The following PLEKHF1 variants were observed in gnomAD, a reference collection of about 807,000 sequenced individuals.
The protein encoded by PLEKHF1 is pleckstrin homology and FYVE domain containing 1, also known as pleckstrin homology domain-containing family F member 1.
A neutral mutation model predicts 4.1 loss-of-function variants in PLEKHF1; 1 was observed. The observed-to-expected ratio is 0.24, with a 90% confidence interval of 0.09 to 1.15. The LOEUF (loss-of-function observed/expected upper bound fraction) is 1.15. PLEKHF1 is among the 50% of genes most tolerant of loss of function. The probability of loss-of-function intolerance (pLI) is 0.52; values close to 1 mark genes in which losing one functional copy is unlikely to be tolerated. For missense variants in PLEKHF1, 429 were observed against 400.6 expected, an observed-to-expected ratio of 1.07 and a Z score of -0.60; for synonymous variants, 182 against 178.5, an observed-to-expected ratio of 1.02 and a Z score of -0.16.
intron 1 of PLEKHF1, among the ~76,000 whole-genome samples, chr19:29,668,721 G>GAA (rs113972567): frequency 1.7e-5 from 2 of 119,194 alleles, no homozygotes; most frequent in African/African-American, 6.0e-5. Flanking sequence ...CAATGTCTCA[G>GAA]AAAAAAAAAA....
Position 29,671,443 on chromosome 19 carries a change from C to G in PLEKHF1, c.-16-2381C>G, listed in dbSNP as rs1971631120. Among the ~76,000 whole-genome samples, 1 of 152,076 alleles carries G rather than the reference C, an allele frequency of 6.6e-6. No homozygotes were observed. ...CTGTATCTCTCATTGCGTGAGTAGC[C>G]CCGGGTTTTTATCCTTTTCCCTGCT... is the stretch of plus-strand genomic sequence containing the variant. On this transcript the variant is annotated intron_variant, in intron 1 of 1. Transcript: ENST00000436066. The surrounding 1 kb of genome is among the most constrained non-coding windows in gnomAD (Gnocchi z 4.0).
intron 1 of PLEKHF1, among the ~76,000 whole-genome samples, chr19:29,668,888 G>A (rs928716441): frequency 6.6e-6 from 1 of 152,100 alleles, no homozygotes; most frequent in African/African-American, 2.4e-5. Context: ...TGTCTGCCCC[G>A]CCCCTCGCCC....
chr19:29,674,307 C>T lies in PLEKHF1; in HGVS notation c.468C>T (p.Asp156=). 6.3e-7 allele frequency: 1 copy of T among 1,589,160 alleles called. No individual in the cohort carries two copies. Among genetic ancestry groups the T allele is most frequent in the Non-Finnish European group, 8.5e-7 (1 of 1,174,396 alleles). ...AAPWIPDKAT[D]ICMRCTQTRF... ...CCTGGATCCCCGACAAGGCCACGGA[C>T]ATCTGCATGCGCTGCACGCAGACGC... Residue 156 remains aspartate, a synonymous_variant, in exon 2 of 2, where the codon GAC becomes GAT. Coordinates refer to ENST00000436066, the MANE Select transcript of PLEKHF1 (RefSeq NM_024310.5).
At chr19:29,666,617 C>CT (rs1971572654) in intron 1 of PLEKHF1, among the ~76,000 whole-genome samples, 1 of 152,228 alleles carries the variant, frequency 6.6e-6, no homozygotes, top group Admixed American at 6.5e-5. Flanking sequence ...CCGCTGGACT[C>CT]TGACTTCTGG....
At chr19:29,669,939 CT>C (rs1009398966) in intron 1 of PLEKHF1, among the ~76,000 whole-genome samples, 4 of 151,440 alleles carry the variant, frequency 2.6e-5, no homozygotes, top group Admixed American at 6.6e-5. Flanking sequence ...ATCTCCAAAA[CT>C]TTTTTTTTCT....
intron 1 of PLEKHF1, 65 bp from the exon 2 acceptor site, chr19:29,673,759 G>A (rs931830244): frequency 1.0e-5 from 16 of 1,540,712 alleles, no homozygotes; most frequent in Non-Finnish European, 1.4e-5. Context: ...TTGGGGGTGG[G>A]CAGCGTGGTT....
At chr19:29,666,011 T>A (rs6509543) in intron 1 of PLEKHF1, among the ~76,000 whole-genome samples, 57,840 of 151,674 alleles carry the variant, frequency 0.38, 14,983 homozygotes, top group African/African-American at 0.74. Context: ...GAGTTTGTGA[T>A]TCTTGGTGGG....
At chr19:29,670,088 T>A (rs937074313) in intron 1 of PLEKHF1, among the ~76,000 whole-genome samples, 8 of 152,090 alleles carry the variant, frequency 5.3e-5, no homozygotes, top group African/African-American at 1.9e-4. Context: ...CATACCACCA[T>A]CCCTGGCTAA....
intron 1 of PLEKHF1, among the ~76,000 whole-genome samples, chr19:29,666,519 T>C (rs1971571482): frequency 6.7e-6 from 1 of 149,418 alleles, no homozygotes; most frequent in African/African-American, 2.4e-5. Flanking sequence ...GATTGGCCAG[T>C]GTGGCCTGGA....
At chr19:29,673,137 C>G (rs1185792601) in intron 1 of PLEKHF1, among the ~76,000 whole-genome samples, 1 of 152,180 alleles carries the variant, frequency 6.6e-6, no homozygotes, top group Non-Finnish European at 1.5e-5. Flanking sequence ...ACAGGAAGCA[C>G]TCGGCGCCTG....
In PLEKHF1 at chr19:29,674,284, T is replaced by C; in HGVS notation, c.445T>C (p.Trp149Arg). 1 of 1,597,536 alleles carries C rather than the reference T, an allele frequency of 6.3e-7. No individual in the cohort carries two copies. The highest frequency in any genetic ancestry group is 8.5e-7 in the Non-Finnish European group (1 of 1,176,876). The change falls in exon 2 of 2, where the codon TGG becomes CGG. Residue 149 changes from tryptophan to arginine, a missense_variant. Coordinates refer to ENST00000436066, the MANE Select transcript of PLEKHF1 (RefSeq NM_024310.5). ...GCCCAGCACGGAGCACGCGGCACCC[T>C]GGATCCCCGACAAGGCCACGGACAT... is the stretch of plus-strand genomic sequence containing the variant. ...RPPSTEHAAPWIPDKATDICM... is the reference protein window; with the variant it reads ...RPPSTEHAAPRIPDKATDICM...
intron 1 of PLEKHF1, 87 bp from the exon 2 acceptor site, chr19:29,673,737 T>G: frequency 6.6e-7 from 1 of 1,513,160 alleles, no homozygotes; most frequent in Non-Finnish European, 8.9e-7. Flanking sequence ...CCTGGCATGG[T>G]GGGTTAGTCA....
chr19:29,674,160 G>A lies in PLEKHF1; in HGVS notation c.321G>A (p.Lys107=), dbSNP rs566543274. 2.5e-6 allele frequency: 4 copies of A among 1,613,680 alleles called. No homozygotes were observed. Among genetic ancestry groups the A allele is most frequent in the South Asian group, 2.2e-5 (2 of 91,090 alleles). The change falls in exon 2 of 2, where the codon AAG becomes AAA. Residue 107 remains lysine (K), a synonymous_variant. Coordinates refer to ENST00000436066, the MANE Select transcript of PLEKHF1 (RefSeq NM_024310.5). Reference sequence around the variant, plus strand: ...GCTGGATGATCAAGACGGCCAAGAAGTCCTTTGTGGTGTCGGCCGCCTCCG... The same window carrying A: ...GCTGGATGATCAAGACGGCCAAGAAATCCTTTGTGGTGTCGGCCGCCTCCG... ...KNRWMIKTAK[K]SFVVSAASAT...
chr19:29,671,967 T>G lies in PLEKHF1; in HGVS notation c.-16-1857T>G, dbSNP rs185023113. Among the ~76,000 whole-genome samples, 1 of 151,584 alleles carries G rather than the reference T, an allele frequency of 6.6e-6. No individual in the cohort carries two copies. The highest frequency in any genetic ancestry group is 2.4e-5 in the African/African-American group (1 of 41,288). ...GAGCTGAGTCATGCATGGTGGGCCT[T>G]GGGACCTGCTTGGAACCGTGCCAAG... On this transcript the variant is annotated intron_variant, in intron 1 of 1. Coordinates refer to ENST00000436066, the MANE Select transcript of PLEKHF1 (RefSeq NM_024310.5). The surrounding 1 kb of genome is among the most constrained non-coding windows in gnomAD (Gnocchi z 4.0).
chr19:29,665,848 G>C, intron 1 of PLEKHF1: 1 of 1,012,902 alleles, frequency 9.9e-7, no homozygotes, highest in Non-Finnish European at 1.2e-6. Flanking sequence ...GCACCCGGTC[G>C]CTGGTGGTGT....
At chr19:29,665,880 T>A in intron 1 of PLEKHF1, 3 of 899,460 alleles carry the variant, frequency 3.3e-6, no homozygotes, top group Non-Finnish European at 4.1e-6. Flanking sequence ...TGGCCTCGTG[T>A]GGCCGCCGGG....
At chr19:29,673,718 A>G in intron 1 of PLEKHF1, 106 bp from the exon 2 acceptor site, 3 of 1,451,918 alleles carry the variant, frequency 2.1e-6, no homozygotes, top group Non-Finnish European at 2.8e-6. Context: ...GTGCGTAGTC[A>G]GTGGGCTGCC....
chr19:29,665,874 C>A, intron 1 of PLEKHF1: 1 of 933,412 alleles, frequency 1.1e-6, no homozygotes, highest in Non-Finnish European at 1.3e-6. Context: ...GGATCCTGGC[C>A]TCGTGTGGCC....
chr19:29,666,556 G>T (rs1489711910), intron 1 of PLEKHF1, among the ~76,000 whole-genome samples: 1 of 151,906 alleles, frequency 6.6e-6, no homozygotes, highest in Non-Finnish European at 1.5e-5. Flanking sequence ...CCAAGCTGAC[G>T]GACCTGCTCG....
Sources: allele counts gnomAD v4.1 joint callset (sites outside exome capture counted in the v4.1 genomes callset), GRCh38; gene constraint gnomAD v4.1.1; non-coding constraint Gnocchi (gnomAD v3.1); transcripts MANE v1.5; gene names NCBI Gene and HGNC (gene_info 2026-07-23, HGNC 2026-07-21).